The following TMCO5A variants were observed in gnomAD, a reference collection of about 807,000 sequenced individuals.
TMCO5A encodes the protein transmembrane and coiled-coil domains 5A.
TMCO5A carries 34 observed loss-of-function variants against 42.3 expected under a neutral mutation model. That is an observed-to-expected ratio of 0.80 (90% CI 0.61 to 1.07). TMCO5A has a LOEUF of 1.07. TMCO5A is among the 50% of genes least tolerant of loss of function. The probability of loss-of-function intolerance (pLI) is 0.00; values close to 1 mark genes in which losing one functional copy is unlikely to be tolerated. For synonymous variants in TMCO5A, 131 were observed against 115.6 expected, an observed-to-expected ratio of 1.13 and a Z score of -0.86; for missense variants, 357 against 327.9, an observed-to-expected ratio of 1.09 and a Z score of -0.69.
chr15:37,992,272 A>G, the TMCO5A span, among the ~76,000 whole-genome samples: 1 of 152,202 alleles, frequency 6.6e-6, no homozygotes, highest in Non-Finnish European at 1.5e-5. Context: ...TGGTCATTAG[A>G]GAAATGCAAA....
chr15:37,988,416 C>T, the TMCO5A span, among the ~76,000 whole-genome samples: 97 of 152,050 alleles, frequency 6.4e-4, no homozygotes, highest in African/African-American at 2.3e-3. Flanking sequence ...GGCATCCTTT[C>T]CTTGTTTCTG....
chr15:38,040,197 GT>G, the TMCO5A span: 1 of 152,330 alleles, frequency 6.6e-6, no homozygotes, highest in Non-Finnish European at 1.5e-5. Flanking sequence ...TCAGAAGCAA[GT>G]TACAGTCCCC....
chr15:37,971,769 T>C (rs192443027), downstream of TMCO5A, among the ~76,000 whole-genome samples: 2 of 152,194 alleles, frequency 1.3e-5, no homozygotes. Flanking sequence ...CCAGTCTCTT[T>C]GCTAAAACAT....
At chr15:37,998,691 G>A in the TMCO5A span, among the ~76,000 whole-genome samples, 1 of 151,712 alleles carries the variant, frequency 6.6e-6, no homozygotes, top group Non-Finnish European at 1.5e-5. Flanking sequence ...AGTCTTTTGT[G>A]GTTCCATATA....
the TMCO5A span, chr15:37,984,653 T>G: frequency 6.8e-6 from 1 of 146,790 alleles, no homozygotes; most frequent in Non-Finnish European, 1.5e-5. Context: ...TTAATGTCCT[T>G]AAAAAAGAGG....
chr15:37,936,426 C>T lies in TMCO5A; in HGVS notation c.103C>T (p.Leu35Phe), dbSNP rs1255573969. ...AATAGATGAAGCAAATCAGAAACTTCTTCTCAAAATCCAAGAGAGGGAAGA... is the reference window on the plus strand; with the variant it reads ...AATAGATGAAGCAAATCAGAAACTTTTTCTCAAAATCCAAGAGAGGGAAGA... ...QRIDEANQKL[L>F]LKIQEREDKI... The change falls in exon 3 of 12, where the codon CTT becomes TTT. Residue 35 changes from leucine to phenylalanine, a missense_variant. Coordinates refer to ENST00000319669, the MANE Select transcript of TMCO5A (RefSeq NM_152453.4). 6.2e-7 allele frequency: 1 copy of T among 1,612,990 alleles called. No individual in the cohort carries two copies. The highest frequency in any genetic ancestry group is 8.5e-7 in the Non-Finnish European group (1 of 1,179,386).
the TMCO5A span, among the ~76,000 whole-genome samples, chr15:37,999,568 T>G: frequency 6.6e-6 from 1 of 152,220 alleles, no homozygotes; most frequent in Admixed American, 6.5e-5. Context: ...AGTACTATGT[T>G]GAATAACAAT....
chr15:37,941,547 G>T (rs1037954704), intron 7 of TMCO5A, 124 bp from the exon 8 acceptor site: 36 of 783,336 alleles, frequency 4.6e-5, no homozygotes, highest in Non-Finnish European at 7.6e-5. Flanking sequence ...CAGCAAAAAA[G>T]AAAACATATT....
chr15:37,962,186 G>T (rs1251095879), intron 11 of TMCO5A, among the ~76,000 whole-genome samples: 1 of 151,960 alleles, frequency 6.6e-6, no homozygotes, highest in Non-Finnish European at 1.5e-5. Flanking sequence ...TGTCATAGAT[G>T]GCTTTTATTA....
At position 37,959,088 on chromosome 15, in the gene TMCO5A, G is replaced by A. The variant is rs190680805; in HGVS notation, c.669-7537G>A. 6.1e-3 allele frequency among the ~76,000 whole-genome samples: 921 copies of A among 151,940 alleles called. 8 individuals carry two copies. The highest frequency in any genetic ancestry group is 0.021 in the African/African-American group (865 of 41,412). ...GAACAAGAGAACACATGGACACAGA[G>A]GGGAACATCACACACTGGGGCCTGT... On this transcript the variant is annotated intron_variant, in intron 11 of 11. Transcript: ENST00000559502.
chr15:38,006,917 CACA>C, the TMCO5A span, among the ~76,000 whole-genome samples: 6 of 151,640 alleles, frequency 4.0e-5, no homozygotes, highest in Non-Finnish European at 7.4e-5. Flanking sequence ...CAGTCTCTGT[CACA>C]ACAACTCAAA....
Position 37,943,379 on chromosome 15 carries a change from A to G in TMCO5A, c.608A>G (p.His203Arg). 1 of 1,612,504 alleles carries G rather than the reference A, an allele frequency of 6.2e-7. No homozygotes were observed. The highest frequency in any genetic ancestry group is 1.1e-5 in the South Asian group (1 of 91,038). ...LVSMNPVEKEHTSQNNEGTPT... is the reference protein window; with the variant it reads ...LVSMNPVEKERTSQNNEGTPT... ...AGCATGAACCCTGTGGAAAAAGAGCATACCAGCCAAAATAATGAGGTAAAC... is the reference window on the plus strand; with the variant it reads ...AGCATGAACCCTGTGGAAAAAGAGCGTACCAGCCAAAATAATGAGGTAAAC... The change falls in exon 10 of 12, where the codon CAT becomes CGT. Residue 203 changes from histidine (H) to arginine (R), a missense_variant. Transcript: ENST00000319669.
chr15:37,967,067 G>A (rs1018943551), exon 12 of TMCO5A: 3 of 172,170 alleles, frequency 1.7e-5, no homozygotes, highest in East Asian at 1.6e-4. Flanking sequence ...AGATTAAGAC[G>A]GTGAAAGCTT....
chr15:37,995,789 A>T, the TMCO5A span, among the ~76,000 whole-genome samples: 1 of 152,098 alleles, frequency 6.6e-6, no homozygotes, highest in African/African-American at 2.4e-5. Context: ...AGATGAGAAA[A>T]TAACAAAATT....
the TMCO5A span, among the ~76,000 whole-genome samples, chr15:37,975,429 T>A: frequency 2.1e-5 from 3 of 145,026 alleles, no homozygotes; most frequent in Admixed American, 2.0e-4. Context: ...CTGTGTTGCA[T>A]GCATATATAT....
the TMCO5A span, among the ~76,000 whole-genome samples, chr15:38,001,885 AT>A: frequency 3.3e-5 from 5 of 151,996 alleles, no homozygotes; most frequent in African/African-American, 1.2e-4. Flanking sequence ...GTTTTGAAAA[AT>A]TTTTGTAGTT....
the TMCO5A span, among the ~76,000 whole-genome samples, chr15:37,982,042 A>T: frequency 2.6e-5 from 4 of 152,232 alleles, no homozygotes; most frequent in South Asian, 8.3e-4. Flanking sequence ...TCATTCATGT[A>T]AGTAAATTAT....
Position 37,936,871 on chromosome 15 carries a change from G to A in TMCO5A, c.165G>A (p.Thr55=), listed in dbSNP as rs144021993. ...GGCTGGAAAGTGAGATCATTCAGAC[G>A]CGGGGCCTGGTGGAAGATGAAGAGT... ...IQRLESEIIQ[T]RGLVEDEEWE... The change falls in exon 4 of 12, where the codon ACG becomes ACA. Residue 55 remains threonine (T), a synonymous_variant. Transcript: ENST00000319669. 50 of 1,611,956 alleles carry A rather than the reference G, an allele frequency of 3.1e-5. No individual in the cohort carries two copies. The highest frequency in any genetic ancestry group is 2.3e-4 in the Admixed American group (14 of 59,826).
intron 10 of TMCO5A, among the ~76,000 whole-genome samples, chr15:37,945,207 C>G (rs1889902483): frequency 6.6e-6 from 1 of 152,082 alleles, no homozygotes; most frequent in Non-Finnish European, 1.5e-5. Context: ...GACATGATAT[C>G]ATTCCTTTTT....
Sources: gnomAD v4.1 joint callset for allele counts (sites outside exome capture counted in the v4.1 genomes callset) on GRCh38, gnomAD v4.1.1 for gene constraint, MANE v1.5 for transcripts, NCBI Gene and HGNC (gene_info 2026-07-23, HGNC 2026-07-21) for gene names.